Variants in FBXW7 observed in about 807,000 individuals in gnomAD.
The protein encoded by FBXW7 is F-box and WD repeat domain containing 7.
FBXW7 carries 11 observed loss-of-function variants against 86.3 expected under a neutral mutation model. The observed-to-expected ratio is 0.13, with a 90% confidence interval of 0.08 to 0.21. The LOEUF is 0.21. Among genes scored for constraint, FBXW7 ranks in the 10% least tolerant of loss-of-function variants. The pLI, the probability that FBXW7 is intolerant of heterozygous loss-of-function variation, is 1.00. For missense variants in FBXW7, 488 were observed against 847.4 expected (o/e 0.58, Z 5.27); for synonymous variants, 313 against 297.9 (o/e 1.05, Z -0.52).
intron 4 of FBXW7, among the ~76,000 whole-genome samples, chr4:152,409,126 A>G (rs896245581): frequency 3.3e-5 from 5 of 152,178 alleles, no homozygotes; most frequent in Admixed American, 6.6e-5. Flanking sequence ...CTTATGCAGC[A>G]TATTTAGGGA....
At chr4:152,393,110 G>C (rs1315100647) in intron 4 of FBXW7, among the ~76,000 whole-genome samples, 1 of 152,120 alleles carries the variant, frequency 6.6e-6, no homozygotes, top group East Asian at 1.9e-4. Context: ...AGGTGCAGTT[G>C]ATGTTGCCAT....
At chr4:152,499,868 C>T (rs940026708) in intron 2 of FBXW7, among the ~76,000 whole-genome samples, 4 of 152,054 alleles carry the variant, frequency 2.6e-5, no homozygotes, top group African/African-American at 9.7e-5. Flanking sequence ...AATAGGCTTC[C>T]TCTCTATTTT....
intron 7 of FBXW7, among the ~76,000 whole-genome samples, chr4:152,333,109 G>A (rs906784434): frequency 6.6e-6 from 1 of 152,054 alleles, no homozygotes; most frequent in Non-Finnish European, 1.5e-5. Flanking sequence ...TTCCCTGACA[G>A]ATAAGAAATG....
intron 2 of FBXW7, among the ~76,000 whole-genome samples, chr4:152,454,806 T>G (rs1052811930): frequency 1.3e-5 from 2 of 152,174 alleles, no homozygotes; most frequent in Non-Finnish European, 2.9e-5. Context: ...TACAGATATT[T>G]GTAAGTTGTA....
chr4:152,535,039 G>A lies in FBXW7; in HGVS notation c.-212-6C>T, dbSNP rs1002180817. 2.6e-5 allele frequency: 4 copies of A among 152,390 alleles called. No homozygotes were observed. The highest frequency in any genetic ancestry group is 7.2e-5 in the African/African-American group (3 of 41,546). The allele number at this position is 152,390 out of a possible 1,614,324, so 9.4% of individuals were successfully genotyped here. On this transcript the variant is annotated splice_region_variant and splice_polypyrimidine_tract_variant and intron_variant, in intron 1 of 13. Transcript: ENST00000281708. ...CGGAAGGCTCCGGCGCGGTACTGAG[G>A]AAGAAGCGGTGCTCGTGTCGCTAAA...
At chr4:152,381,005 T>TA (rs1218706240) in intron 4 of FBXW7, among the ~76,000 whole-genome samples, 1 of 152,074 alleles carries the variant, frequency 6.6e-6, no homozygotes, top group Non-Finnish European at 1.5e-5. Flanking sequence ...AACACTTTCT[T>TA]AAAACAGTAA....
intron 6 of FBXW7, among the ~76,000 whole-genome samples, chr4:152,344,836 C>T (rs1007359034): frequency 6.6e-6 from 1 of 152,006 alleles, no homozygotes; most frequent in Non-Finnish European, 1.5e-5. Context: ...AGCCCTACCA[C>T]AGAAAAAGTA....
chr4:152,460,989 T>C (rs934346960), intron 2 of FBXW7, among the ~76,000 whole-genome samples: 2 of 152,190 alleles, frequency 1.3e-5, no homozygotes, highest in Non-Finnish European at 2.9e-5. Flanking sequence ...TCCAAACAAC[T>C]GTTTTGCTTG....
chr4:152,419,369 A>T (rs1392599029), intron 2 of FBXW7, among the ~76,000 whole-genome samples: 1 of 152,100 alleles, frequency 6.6e-6, no homozygotes, highest in African/African-American at 2.4e-5. Flanking sequence ...TTTTCCCCCA[A>T]GAAAAAGTGA....
At chr4:152,412,743 T>C (rs920486289) in intron 2 of FBXW7, 3 of 152,110 alleles carry the variant, frequency 2.0e-5, no homozygotes, top group South Asian at 2.1e-4. Flanking sequence ...TAATATATTA[T>C]GCTAAGGGGA....
intron 2 of FBXW7, among the ~76,000 whole-genome samples, chr4:152,518,524 C>T (rs76612218): frequency 2.6e-5 from 4 of 152,106 alleles, no homozygotes; most frequent in Non-Finnish European, 4.4e-5. Context: ...CTCCAACTCC[C>T]GGCCTAAAGC....
chr4:152,520,700 A>G (rs1579422254), intron 2 of FBXW7, among the ~76,000 whole-genome samples: 1 of 152,362 alleles, frequency 6.6e-6, no homozygotes, highest in East Asian at 1.9e-4. Context: ...ACTCAACACC[A>G]GAACGGACCT....
At chr4:152,461,188 G>A (rs1401275461) in intron 2 of FBXW7, among the ~76,000 whole-genome samples, 1 of 152,134 alleles carries the variant, frequency 6.6e-6, no homozygotes, top group Non-Finnish European at 1.5e-5. Context: ...AGGAGGCGGA[G>A]GTTGTGGTGA....
intron 2 of FBXW7, among the ~76,000 whole-genome samples, chr4:152,527,723 T>G (rs1204296175): frequency 1.3e-5 from 2 of 152,078 alleles, no homozygotes; most frequent in Non-Finnish European, 2.9e-5. Context: ...ACGGCTGCAG[T>G]GAGCAAGGAT....
chr4:152,428,432 T>C (rs1291037648), intron 2 of FBXW7, among the ~76,000 whole-genome samples: 1 of 152,206 alleles, frequency 6.6e-6, no homozygotes, highest in African/African-American at 2.4e-5. Context: ...CTAAAACCAT[T>C]AGCTCACCTG....
chr4:152,343,558 G>T (rs1445934412), intron 6 of FBXW7, among the ~76,000 whole-genome samples: 1 of 152,086 alleles, frequency 6.6e-6, no homozygotes, highest in Non-Finnish European at 1.5e-5. Flanking sequence ...GTCAAAATTT[G>T]AACTAAGAAC....
intron 2 of FBXW7, among the ~76,000 whole-genome samples, chr4:152,501,454 C>T (rs1191854319): frequency 6.6e-6 from 1 of 152,104 alleles, no homozygotes; most frequent in Non-Finnish European, 1.5e-5. Context: ...GAACTTATTG[C>T]CTAACTTGCT....
chr4:152,417,743 TC>T (rs1373560072), intron 2 of FBXW7, among the ~76,000 whole-genome samples: 2 of 151,950 alleles, frequency 1.3e-5, no homozygotes, highest in Non-Finnish European at 2.9e-5. Flanking sequence ...TACTCAGATA[TC>T]CCCTCAACCT....
chr4:152,474,499 A>G (rs1039904483), intron 2 of FBXW7, among the ~76,000 whole-genome samples: 2 of 152,198 alleles, frequency 1.3e-5, no homozygotes, highest in South Asian at 4.1e-4. Flanking sequence ...ATTTTGAATG[A>G]TCTAGGACAA....
Sources: allele counts gnomAD v4.1 joint callset (sites outside exome capture counted in the v4.1 genomes callset), GRCh38; gene constraint gnomAD v4.1.1; transcripts MANE v1.5; gene names NCBI Gene and HGNC (gene_info 2026-07-23, HGNC 2026-07-21).